Variants in PLXNC1 observed in about 807,000 individuals in gnomAD.
PLXNC1 encodes the protein plexin C1.
A neutral mutation model predicts 178.2 loss-of-function variants in PLXNC1; 75 were observed. The ratio of observed to expected loss-of-function variants is 0.42; its 90% confidence interval spans 0.35 to 0.51. PLXNC1 has a LOEUF of 0.51. Ranked by LOEUF, PLXNC1 falls within the 20% of genes least tolerant of loss-of-function variation. PLXNC1 has a pLI of 0.02. For synonymous variants in PLXNC1, 790 were observed against 779.9 expected, an observed-to-expected ratio of 1.01 and a Z score of -0.22; for missense variants, 1,503 against 1,984.4, an observed-to-expected ratio of 0.76 and a Z score of 4.61.
chr12:94,255,539 A>G (rs774792800), intron 17 of PLXNC1, among the ~76,000 whole-genome samples: 18 of 152,246 alleles, frequency 1.2e-4, no homozygotes, highest in Non-Finnish European at 2.2e-4. Flanking sequence ...TAGGAGGGAC[A>G]GAAGCTCAGA....
intron 11 of PLXNC1, among the ~76,000 whole-genome samples, chr12:94,242,983 G>A (rs1406811288): frequency 6.6e-6 from 1 of 152,228 alleles, no homozygotes; most frequent in African/African-American, 2.4e-5. Flanking sequence ...GACATTCTGA[G>A]CCTGTGTGTC....
chr12:94,219,513 G>T (rs1218647096), intron 5 of PLXNC1, among the ~76,000 whole-genome samples: 2 of 152,140 alleles, frequency 1.3e-5, no homozygotes, highest in African/African-American at 4.8e-5. Flanking sequence ...GCTAGAGTTT[G>T]GGAAGCACTT....
chr12:94,258,648 T>G (rs747526249), intron 17 of PLXNC1, among the ~76,000 whole-genome samples: 1 of 152,238 alleles, frequency 6.6e-6, no homozygotes, highest in Non-Finnish European at 1.5e-5. Context: ...TGGTCTAGTT[T>G]GCTATAAATT....
rs1964029756 is a variant in PLXNC1, at chr12:94,229,389, A to C, written c.1980+2154A>C. Among the ~76,000 whole-genome samples, 4 of 152,192 alleles carry C rather than the reference A, an allele frequency of 2.6e-5. No individual in the cohort carries two copies. The South Asian group carries it at 8.3e-4, about 31-fold the overall frequency. ...TTCCGTTGACTGTGTCCTGTAATAC[A>C]CAGAGTTTTTAATTTTGATGAAGTC... On this transcript the variant is annotated intron_variant, in intron 9 of 30. Transcript: ENST00000258526.
At chr12:94,165,596 A>C (rs1961581112) in intron 1 of PLXNC1, among the ~76,000 whole-genome samples, 1 of 149,262 alleles carries the variant, frequency 6.7e-6, no homozygotes, top group Non-Finnish European at 1.5e-5. Context: ...TGTCCGCTCC[A>C]ACAAGTTGTG....
At chr12:94,206,113 A>C (rs1417891404) in intron 4 of PLXNC1, among the ~76,000 whole-genome samples, 1 of 152,172 alleles carries the variant, frequency 6.6e-6, no homozygotes, top group African/African-American at 2.4e-5. Context: ...TTATTCAGGG[A>C]TATTATGGGT....
chr12:94,276,377 C>G (rs889479103), intron 21 of PLXNC1, among the ~76,000 whole-genome samples: 3 of 150,212 alleles, frequency 2.0e-5, no homozygotes, highest in African/African-American at 7.3e-5. Flanking sequence ...ACCCCTCCCA[C>G]TGGTGTGGGG....
intron 17 of PLXNC1, among the ~76,000 whole-genome samples, chr12:94,256,844 C>CAAAA (rs35718233): frequency 9.0e-6 from 1 of 111,000 alleles, no homozygotes; most frequent in Non-Finnish European, 1.9e-5. Flanking sequence ...TGAGTGTTTC[C>CAAAA]AAAAAAAAAA....
chr12:94,150,181 C>T (rs1960904720), intron 1 of PLXNC1, 148 bp downstream of exon 1: 1 of 642,996 alleles, frequency 1.6e-6, no homozygotes, highest in Non-Finnish European at 2.5e-6. Context: ...CGCGGGCGGC[C>T]GTCCGAAGGC....
At chr12:94,177,219 GTA>G (rs1555195648) in intron 2 of PLXNC1, among the ~76,000 whole-genome samples, 5 of 88,458 alleles carry the variant, frequency 5.7e-5, no homozygotes, top group Admixed American at 1.5e-4. Flanking sequence ...ATATGTGTGT[GTA>G]TATATATACA....
chr12:94,226,920 G>A (rs1265481102), intron 8 of PLXNC1, among the ~76,000 whole-genome samples: 1 of 152,196 alleles, frequency 6.6e-6, no homozygotes, highest in Non-Finnish European at 1.5e-5. Flanking sequence ...CTACTCGGGA[G>A]GCTGAGGCAG....
At chr12:94,170,163 C>T (rs60722304) in intron 2 of PLXNC1, among the ~76,000 whole-genome samples, 1 of 152,136 alleles carries the variant, frequency 6.6e-6, no homozygotes, top group African/African-American at 2.4e-5. Flanking sequence ...AGATCTGTTT[C>T]CCTCAACTGA....
intron 5 of PLXNC1, among the ~76,000 whole-genome samples, chr12:94,217,408 TG>T (rs1963675879): frequency 6.6e-6 from 1 of 152,228 alleles, no homozygotes; most frequent in Admixed American, 6.5e-5. Flanking sequence ...TTCACTTCCA[TG>T]GCTTTATAAA....
intron 17 of PLXNC1, 21 bp from the exon 18 acceptor site, chr12:94,259,314 TAA>T: frequency 1.3e-6 from 2 of 1,561,092 alleles, no homozygotes; most frequent in East Asian, 2.3e-5. Context: ...TTATGAATAA[TAA>T]AAGTGTCTCC....
chr12:94,169,651 T>C (rs1046868192), intron 2 of PLXNC1, among the ~76,000 whole-genome samples: 1 of 152,190 alleles, frequency 6.6e-6, no homozygotes, highest in African/African-American at 2.4e-5. Context: ...ATCATGGAAA[T>C]GTACAAAGCA....
rs531715932 is a variant in PLXNC1, at chr12:94,268,458, T to C, written c.3597+3233T>C. Among the ~76,000 whole-genome samples the C allele has an allele frequency of 2.0e-5, 3 of 152,154 alleles. No individual in the cohort carries two copies. The East Asian group carries it at 5.8e-4, about 29-fold the overall frequency. ...AGGCTGGTGTTTAATGAGGCAACAG[T>C]GAGACAGAATGCCCTGATATCTGCA... On this transcript the variant is annotated intron_variant, in intron 21 of 30. Coordinates refer to ENST00000258526, the MANE Select transcript of PLXNC1 (RefSeq NM_005761.3).
chr12:94,190,767 T>C (rs1268561964), intron 4 of PLXNC1, among the ~76,000 whole-genome samples: 2 of 152,226 alleles, frequency 1.3e-5, no homozygotes, highest in African/African-American at 2.4e-5. Flanking sequence ...ATTCTCTCCT[T>C]TGTTTACTTA....
At chr12:94,218,759 A>G (rs1592777246) in intron 5 of PLXNC1, among the ~76,000 whole-genome samples, 1 of 152,088 alleles carries the variant, frequency 6.6e-6, no homozygotes, top group Non-Finnish European at 1.5e-5. Flanking sequence ...ACAAACATAC[A>G]CACACAAAAA....
chr12:94,262,545 G>C (rs951233887), intron 20 of PLXNC1: 28 of 985,314 alleles, frequency 2.8e-5, no homozygotes, highest in East Asian at 1.1e-4. Flanking sequence ...AGAGCGTCTC[G>C]AGCACTCTGA....
Sources: allele counts gnomAD v4.1 joint callset (sites outside exome capture counted in the v4.1 genomes callset), GRCh38; gene constraint gnomAD v4.1.1; transcripts MANE v1.5; gene names NCBI Gene and HGNC (gene_info 2026-07-23, HGNC 2026-07-21).